The following RBM4B variants were observed in gnomAD, a reference collection of about 807,000 sequenced individuals.
The protein encoded by RBM4B is RNA binding motif protein 4B.
In RBM4B, 13 loss-of-function variants were observed where a neutral mutation model predicts 28.5. That is an observed-to-expected ratio of 0.46 (90% CI 0.30 to 0.72). The LOEUF is 0.72. Among genes scored for constraint, RBM4B ranks in the 30% least tolerant of loss-of-function variants. The probability of loss-of-function intolerance (pLI) is 0.09; values close to 1 mark genes in which losing one functional copy is unlikely to be tolerated. For missense variants in RBM4B, 387 were observed against 477.6 expected, an observed-to-expected ratio of 0.81 and a Z score of 1.77; for synonymous variants, 167 against 179.1, an observed-to-expected ratio of 0.93 and a Z score of 0.54.
chr11:66,665,809 TG>T lies in RBM4B; in HGVS notation c.*10-232del, dbSNP rs201657088. The T allele has an allele frequency of 7.5e-4, 1,101 of 1,465,570 alleles. 11 individuals carry two copies. The African/African-American group carries it at 0.014, about 18-fold the overall frequency. The allele number at this position is 1,465,570 out of a possible 1,614,324, so 90.8% of individuals were successfully genotyped here. A position where few individuals can be genotyped will look rare whatever the true frequency, so the allele number is the denominator to read the frequency against. On this transcript the variant is annotated intron_variant, in intron 3 of 3. Coordinates refer to ENST00000310046, the MANE Select transcript of RBM4B (RefSeq NM_031492.4). Reference sequence around the variant, plus strand: ...TATATAGGACAAGATGCAATCTAGCTGAAGAATGTGTTGGTGATAAATACAT... The same window carrying T: ...TATATAGGACAAGATGCAATCTAGCTAAGAATGTGTTGGTGATAAATACAT...
At chr11:66,669,353 C>A in intron 2 of RBM4B, 62 bp from the exon 3 acceptor site, 1 of 1,501,998 alleles carries the variant, frequency 6.7e-7, no homozygotes, top group Non-Finnish European at 9.1e-7. Context: ...TTCCTCTCCT[C>A]CCCAAATGAA....
intron 2 of RBM4B, among the ~76,000 whole-genome samples, chr11:66,675,312 T>C (rs1320725733): frequency 6.6e-6 from 1 of 152,192 alleles, no homozygotes; most frequent in African/African-American, 2.4e-5. Flanking sequence ...ATTAACTCCA[T>C]AAGTGGGGAC....
chr11:66,677,504 A>T (rs1939677659), intron 1 of RBM4B: 1 of 168,516 alleles, frequency 5.9e-6, no homozygotes, highest in South Asian at 1.5e-4. Flanking sequence ...TCTAAAAAGA[A>T]AAAAGTCCCC....
chr11:66,668,431 A>T, intron 3 of RBM4B, 184 bp downstream of exon 3: 1 of 560,438 alleles, frequency 1.8e-6, no homozygotes, highest in Non-Finnish European at 3.2e-6. Context: ...GTCATACACT[A>T]ACACCTTGAC....
rs1179103336 is a variant in RBM4B, at chr11:66,669,082, A to C, written c.622T>G (p.Ser208Ala). The C allele has an allele frequency of 3.1e-6, 5 of 1,613,992 alleles. No homozygotes were observed. The highest frequency in any genetic ancestry group is 4.2e-6 in the Non-Finnish European group (5 of 1,180,036). ...CCATATGCATCGTTGTAATACATGGATTCCCCGTAGCCCATGGTGTAAGGT... is the reference window on the plus strand; with the variant it reads ...CCATATGCATCGTTGTAATACATGGCTTCCCCGTAGCCCATGGTGTAAGGT... ...RTPYTMGYGESMYYNDAYGAL... is the reference protein window; with the variant it reads ...RTPYTMGYGEAMYYNDAYGAL... The change falls in exon 3 of 4, where the codon TCC becomes GCC. Residue 208 changes from serine to alanine, a missense_variant. By Grantham distance (99) the Ser-to-Ala change is moderately conservative. This residue lies in a region of RBM4B where 226 missense variants were observed against 220.6 expected (regional missense o/e 1.02). Transcript: ENST00000310046.
At position 66,676,825 on chromosome 11, in the gene RBM4B, G is replaced by A. The variant is rs759260039; in HGVS notation, c.255C>T (p.Ile85=). 1.9e-6 allele frequency: 3 copies of A among 1,614,188 alleles called. No individual in the cohort carries two copies. The highest frequency in any genetic ancestry group is 1.3e-5 in the African/African-American group (1 of 75,040). The change falls in exon 2 of 4, where the codon ATC becomes ATT. Residue 85 remains isoleucine, a synonymous_variant. Coordinates refer to ENST00000310046, the MANE Select transcript of RBM4B (RefSeq NM_031492.4). ...KASTKLHVGN[I]SPTCTNQELR... is the part of the protein sequence containing the mutation. ...GCTCTTGGTTGGTACAAGTGGGGCTGATGTTACCCACGTGTAACTTGGTTG... is the reference window on the plus strand; with the variant it reads ...GCTCTTGGTTGGTACAAGTGGGGCTAATGTTACCCACGTGTAACTTGGTTG...
chr11:66,666,007 G>A, intron 3 of RBM4B: 1 of 1,446,338 alleles, frequency 6.9e-7, no homozygotes, highest in East Asian at 2.5e-5. Context: ...AATGTGTTTT[G>A]TTTTAATCTT....
intron 2 of RBM4B, chr11:66,670,945 G>A (rs902555379): frequency 1.4e-5 from 10 of 702,472 alleles, no homozygotes; most frequent in African/African-American, 1.0e-4. Flanking sequence ...CCTTCTTCTG[G>A]ATGCAGCTAT....
rs1294875446 is a variant in RBM4B, at chr11:66,665,121, A to G, written c.*467T>C. 6.4e-6 allele frequency: 1 copy of G among 157,240 alleles called. No homozygotes were observed. Among genetic ancestry groups the G allele is most frequent in the African/African-American group, 2.4e-5 (1 of 41,572 alleles). 9.7% of individuals were successfully genotyped at this position (157,240 alleles called of 1,614,324 possible). On this transcript the variant is annotated 3_prime_UTR_variant, in exon 4 of 4. Coordinates refer to ENST00000310046, the MANE Select transcript of RBM4B (RefSeq NM_031492.4). Reference sequence around the variant, plus strand: ...CACAGGTCGGACATAAAAAACAAACAAAACAACAAAACCCCCAATGGTCCT... The same window carrying G: ...CACAGGTCGGACATAAAAAACAAACGAAACAACAAAACCCCCAATGGTCCT...
chr11:66,665,611 A>G (rs1394781097), intron 3 of RBM4B, 33 bp from the exon 4 acceptor site: 6 of 1,535,826 alleles, frequency 3.9e-6, no homozygotes, highest in Admixed American at 2.0e-5. Flanking sequence ...AGGCTTACAC[A>G]ATGCCTGGAG....
chr11:66,671,009 C>T (rs1012054677), intron 2 of RBM4B: 12 of 702,458 alleles, frequency 1.7e-5, no homozygotes, highest in East Asian at 8.0e-5. Flanking sequence ...CTATTGAGGA[C>T]GGCAGCCAGA....
Position 66,676,902 on chromosome 11 carries a change from G to A in RBM4B, c.178C>T (p.Leu60Phe), listed in dbSNP as rs756268291. 6.2e-7 allele frequency: 1 copy of A among 1,614,152 alleles called. No individual in the cohort carries two copies. Among genetic ancestry groups the A allele is most frequent in the Admixed American group, 1.7e-5 (1 of 60,016 alleles). ...TCCACGTTGATGTTCACCCCATGAA[G>A]CTTGTAATGGTGCAGGTTGCGTATG... ...DAIRNLHHYK[L>F]HGVNINVEAS... Residue 60 changes from leucine to phenylalanine, a missense_variant, in exon 2 of 4, where the codon CTT (leucine) becomes TTT (phenylalanine). Coordinates refer to ENST00000310046, the MANE Select transcript of RBM4B (RefSeq NM_031492.4).
At chr11:66,669,905 C>T (rs1939408034) in intron 2 of RBM4B, among the ~76,000 whole-genome samples, 1 of 152,250 alleles carries the variant, frequency 6.6e-6, no homozygotes. Flanking sequence ...AAAGTTTCCA[C>T]TTCTCACTAA....
intron 2 of RBM4B, chr11:66,675,472 TTGA>T (rs1170388033): frequency 6.6e-6 from 1 of 152,260 alleles, no homozygotes; most frequent in Non-Finnish European, 1.5e-5. Context: ...CTGGAGATAC[TTGA>T]TGGTGCTCCT....
rs1939190524 is a variant in RBM4B at position 66,665,477 on chromosome 11, A to C, written c.*111T>G. 2 of 877,280 alleles carry C rather than the reference A, an allele frequency of 2.3e-6. No homozygotes were observed. The highest frequency in any genetic ancestry group is 2.9e-5 in the South Asian group (2 of 68,754). The allele number at this position is 877,280 out of a possible 1,614,324, so 54.3% of individuals were successfully genotyped here. ...AGTTGGTCACAAACTCCTTTTGTTTACTGAAACATGAAGCAATGGAAACAT... is the reference window on the plus strand; with the variant it reads ...AGTTGGTCACAAACTCCTTTTGTTTCCTGAAACATGAAGCAATGGAAACAT... On this transcript the variant is annotated 3_prime_UTR_variant, in exon 4 of 4. Coordinates refer to ENST00000310046, the MANE Select transcript of RBM4B (RefSeq NM_031492.4).
Position 66,665,401 on chromosome 11 carries a change from A to G in RBM4B, c.*187T>C. 1 of 638,858 alleles carries G rather than the reference A, an allele frequency of 1.6e-6. No individual in the cohort carries two copies. The highest frequency in any genetic ancestry group is 2.8e-6 in the Non-Finnish European group (1 of 358,792). The allele number at this position is 638,858 out of a possible 1,614,324, so 39.6% of individuals were successfully genotyped here. ...AACAGAGTGAAAGGCTACAGAGACT[A>G]GTTTCAGGAGGAAAGAAAAGTCAAC... On this transcript the variant is annotated 3_prime_UTR_variant, in exon 4 of 4. Coordinates refer to ENST00000310046, the MANE Select transcript of RBM4B (RefSeq NM_031492.4).
At chr11:66,667,448 T>C (rs1001344170) in intron 3 of RBM4B, 2 of 152,132 alleles carry the variant, frequency 1.3e-5, no homozygotes, top group African/African-American at 2.4e-5. Flanking sequence ...CAAAAATTGC[T>C]GGAAGAAACA....
chr11:66,668,080 C>T, intron 3 of RBM4B: 1 of 154,958 alleles, frequency 6.5e-6, no homozygotes, highest in Non-Finnish European at 1.4e-5. Context: ...TCATTACTAA[C>T]CCCTGAACCT....
rs1939666235 is a variant in RBM4B, at chr11:66,677,189, TCAA to T, written c.-12-101_-12-99del. 3 of 1,387,760 alleles carry T rather than the reference TCAA, an allele frequency of 2.2e-6. No individual in the cohort carries two copies. In the African/African-American group the frequency reaches 4.3e-5, roughly 20 times the overall value. 86.0% of individuals were successfully genotyped at this position (1,387,760 alleles called of 1,614,324 possible). A position where few individuals can be genotyped will look rare whatever the true frequency, so the allele number is the denominator to read the frequency against. On this transcript the variant is annotated intron_variant, in intron 1 of 3. Coordinates refer to ENST00000310046, the MANE Select transcript of RBM4B (RefSeq NM_031492.4). ...CTAATCCTCCAAAGTTCTTGCACCT[TCAA>T]GACCCTCGTACAGACATTCATTATT...
Sources: gnomAD v4.1 joint callset for allele counts (sites outside exome capture counted in the v4.1 genomes callset) on GRCh38, gnomAD v4.1.1 for gene constraint, gnomAD v4.1.1 regional missense constraint, MANE v1.5 for transcripts, NCBI Gene and HGNC (gene_info 2026-07-23, HGNC 2026-07-21) for gene names.